TRPM8: variants seen among roughly 807,000 people sequenced by gnomAD.
TRPM8 encodes the protein transient receptor potential cation channel subfamily M member 8, also known as TRPM8 cationic channel.
Under a neutral mutation model 133.7 loss-of-function variants are expected in TRPM8, and 110 were observed. The observed-to-expected ratio is 0.82, with a 90% CI of 0.70 to 0.96. TRPM8 has a LOEUF of 0.96. Ranked by LOEUF, TRPM8 falls within the 40% of genes least tolerant of loss-of-function variation. The pLI is 0.00. For missense variants in TRPM8, 1,291 were observed against 1,379.5 expected, an observed-to-expected ratio of 0.94 and a Z score of 1.02; for synonymous variants, 535 against 532.3, an observed-to-expected ratio of 1.01 and a Z score of -0.07.
intron 1 of TRPM8, among the ~76,000 whole-genome samples, chr2:233,923,019 C>T (rs1258346122): frequency 1.3e-5 from 2 of 152,142 alleles, no homozygotes. Flanking sequence ...AGGCACCCGC[C>T]ACCACGCCTG....
intron 22 of TRPM8, among the ~76,000 whole-genome samples, chr2:234,001,878 T>C (rs1666267436): frequency 1.3e-5 from 2 of 152,124 alleles, no homozygotes; most frequent in Admixed American, 1.3e-4. Flanking sequence ...GGAGAGCTGA[T>C]TCAACAAATA....
chr2:234,003,392 C>T (rs556760814), intron 22 of TRPM8, among the ~76,000 whole-genome samples: 30 of 152,300 alleles, frequency 2.0e-4, no homozygotes, highest in African/African-American at 5.8e-4. Flanking sequence ...TTCTTTCCAT[C>T]GTTTTGCCTT....
rs776355317 is a variant in TRPM8, at chr2:233,989,950, C to T, written c.2939+4085C>T. ...GCAGTTCTGAAAAGGACTCGTCAAA[C>T]ATGTCCTGCTGTAGAATAATTTCTA... On this transcript the variant is annotated intron_variant, in intron 21 of 25. Coordinates refer to ENST00000324695, the MANE Select transcript of TRPM8 (RefSeq NM_024080.5). The surrounding 1 kb of genome is among the most constrained non-coding windows in gnomAD (Gnocchi z 4.2). Among the ~76,000 whole-genome samples, 1 of 152,178 alleles carries T rather than the reference C, an allele frequency of 6.6e-6. No homozygotes were observed. Among genetic ancestry groups the T allele is most frequent in the African/African-American group, 2.4e-5 (1 of 41,446 alleles).
intron 6 of TRPM8, among the ~76,000 whole-genome samples, chr2:233,945,579 A>C (rs1009096305): frequency 6.6e-6 from 1 of 152,202 alleles, no homozygotes; most frequent in African/African-American, 2.4e-5. Flanking sequence ...CAGGGCAATG[A>C]ACCAAGAATG....
chr2:233,945,834 C>G (rs370608573), intron 6 of TRPM8, 22 bp from the exon 7 acceptor site: 10 of 1,596,756 alleles, frequency 6.3e-6, no homozygotes, highest in African/African-American at 2.7e-5. Flanking sequence ...ATCTCAAAGA[C>G]AAGTTTCCCT....
Position 233,981,775 on chromosome 2 carries a change from C to T in TRPM8, c.2449C>T (p.Leu817Phe), listed in dbSNP as rs1692015380. ...FYFIAGIVFR[L>F]HSSNKSSLYS... Reference sequence around the variant, plus strand: ...TTCTGTTCCTTCTTTTCCCCCTAGGCTCCACTCTTCTAATAAAAGCTCTTT... The same window carrying T: ...TTCTGTTCCTTCTTTTCCCCCTAGGTTCCACTCTTCTAATAAAAGCTCTTT... The change falls in exon 19 of 26, where the codon CTC (leucine) becomes TTC (phenylalanine). Residue 817 changes from leucine (L) to phenylalanine (F), a missense_variant and splice_region_variant. Around this residue, in one of 2 missense-constraint regions of TRPM8, gnomAD observed 328 missense variants for 410.6 expected, o/e 0.80. Transcript: ENST00000324695. The T allele has an allele frequency of 6.2e-7, 1 of 1,605,046 alleles. No individual in the cohort carries two copies. The highest frequency in any genetic ancestry group is 1.3e-5 in the African/African-American group (1 of 74,392).
intron 21 of TRPM8, among the ~76,000 whole-genome samples, chr2:233,991,492 T>G (rs1183390871): frequency 6.6e-6 from 1 of 152,212 alleles, no homozygotes; most frequent in African/African-American, 2.4e-5. Context: ...GGGGCAGTAC[T>G]GGCTAGATAC....
At position 233,969,622 on chromosome 2, in the gene TRPM8, A is replaced by G. The variant is rs1262197033; in HGVS notation, c.2026-73A>G. On this transcript the variant is annotated intron_variant, in intron 15 of 25. Coordinates refer to ENST00000324695, the MANE Select transcript of TRPM8 (RefSeq NM_024080.5). ...TTTTGGGGAAAGTGTGGGGCGGGGA[A>G]GAAAGTTTGCATGGCATCCTGCATA... 2.4e-5 allele frequency: 21 copies of G among 890,874 alleles called. No individual in the cohort carries two copies. In the Admixed American group the frequency reaches 3.7e-4, roughly 16 times the overall value. 55.2% of individuals were successfully genotyped at this position (890,874 alleles called of 1,614,324 possible).
At chr2:233,948,803 AG>A (rs1691104673) in intron 8 of TRPM8, among the ~76,000 whole-genome samples, 4 of 152,124 alleles carry the variant, frequency 2.6e-5, no homozygotes, top group Admixed American at 2.6e-4. Flanking sequence ...GAGGCCAAGG[AG>A]GGTGGATCAC....
In TRPM8 at chr2:233,927,847, CCTTCCTTT is replaced by C. The variant is rs1422819073; in HGVS notation, c.117+1197_117+1204del. On this transcript the variant is annotated intron_variant, in intron 2 of 25. Transcript: ENST00000324695. ...TCCTTCCTTCCTTCCTTCCTTCCTT[CCTTCCTTT>C]CTTTCTCTTTCTTTCTTTCTTTCTT... 9.0e-3 allele frequency among the ~76,000 whole-genome samples: 432 copies of C among 47,888 alleles called. 41 individuals are homozygous for C. Among genetic ancestry groups the C allele is most frequent in the Non-Finnish European group, 0.013 (350 of 27,120 alleles). The allele number at this position is 47,888 out of a possible 152,430, so 31.4% of individuals were successfully genotyped here.
At chr2:233,970,009 A>T in intron 16 of TRPM8, 1 of 673,300 alleles carries the variant, frequency 1.5e-6, no homozygotes, top group Non-Finnish European at 2.6e-6. Context: ...TGTGTCTTTA[A>T]TATCTGGGGC....
At chr2:234,003,844 G>A (rs908033497) in intron 22 of TRPM8, among the ~76,000 whole-genome samples, 9 of 152,162 alleles carry the variant, frequency 5.9e-5, no homozygotes, top group African/African-American at 1.9e-4. Flanking sequence ...GGCTGCATGG[G>A]ATAAAGGTCC....
Position 233,985,841 on chromosome 2 carries a change from T to C in TRPM8, c.2915T>C (p.Val972Ala), listed in dbSNP as rs780680561. Residue 972 changes from valine (V) to alanine (A), a missense_variant, in exon 21 of 26, where the codon GTC (valine) becomes GCC (alanine). Val to Ala is a moderately conservative substitution (Grantham distance 64, BLOSUM62 0). Around this residue, in one of 2 missense-constraint regions of TRPM8, gnomAD observed 328 missense variants for 410.6 expected, o/e 0.80. Coordinates refer to ENST00000324695, the MANE Select transcript of TRPM8 (RefSeq NM_024080.5). The part of the protein sequence containing the change: ...IYMLSTNILL[V>A]NLLVAMFGYT... ...ATGTTATCCACCAACATCCTGCTGG[T>C]CAACCTGCTGGTCGCCATGTTTGGG... The C allele has an allele frequency of 6.2e-7, 1 of 1,614,094 alleles. No homozygotes were observed. Among genetic ancestry groups the C allele is most frequent in the South Asian group, 1.1e-5 (1 of 91,054 alleles).
rs28902475 is a variant in TRPM8, at chr2:233,923,105, G to A, written c.-5-3428G>A. On this transcript the variant is annotated intron_variant, in intron 1 of 25. Coordinates refer to ENST00000324695, the MANE Select transcript of TRPM8 (RefSeq NM_024080.5). ...AGGATGGTCTCGATCTCCTGGCCTC[G>A]TGATCCGCCTGCCTCAGCCTCCCAA... Among the ~76,000 whole-genome samples, 1,055 of 152,112 alleles carry A rather than the reference G, an allele frequency of 6.9e-3. 17 individuals are homozygous for A. Among genetic ancestry groups the A allele is most frequent in the African/African-American group, 0.024 (1,008 of 41,488 alleles).
intron 5 of TRPM8, 88 bp downstream of exon 5, chr2:233,939,263 C>T (rs760546816): frequency 2.5e-5 from 36 of 1,427,928 alleles, no homozygotes; most frequent in African/African-American, 5.7e-5. Context: ...TGTGCAATTC[C>T]GGAGAATCCG....
chr2:233,966,558 C>T (rs377516616), intron 14 of TRPM8, 52 bp from the exon 15 acceptor site: 55 of 1,608,298 alleles, frequency 3.4e-5, no homozygotes, highest in Middle Eastern at 1.7e-4. Flanking sequence ...AGGACAGTTT[C>T]GGTCATGTGC....
At chr2:233,998,028 G>C (rs576538371) in intron 22 of TRPM8, among the ~76,000 whole-genome samples, 1 of 152,138 alleles carries the variant, frequency 6.6e-6, no homozygotes, top group East Asian at 1.9e-4. Context: ...AGCATGCAGG[G>C]AGGAAGGGGC....
chr2:233,963,383 T>C lies in TRPM8; in HGVS notation c.1749+6T>C, dbSNP rs752764831. On this transcript the variant is annotated splice_donor_region_variant and intron_variant, in intron 13 of 25. Transcript: ENST00000324695. ...CCAAAGTCATTTGGGAGCAGGTAAG[T>C]GCCCAAGCCCACATCAGATTTACAC... is the stretch of plus-strand genomic sequence containing the variant. 4 of 1,585,750 alleles carry C rather than the reference T, an allele frequency of 2.5e-6. No individual in the cohort carries two copies. In the East Asian group the frequency reaches 9.0e-5, roughly 36 times the overall value.
Position 233,927,923 on chromosome 2 carries a change from TTTCTCTCTCTC to T in TRPM8, c.117+1271_117+1281del, listed in dbSNP as rs1559516689. ...CTTTCTTTCTTTCTCTCTCTCTCTC[TTTCTCTCTCTC>T]TCTCTCTCTCTCTCTCTCTCTCTCT... On this transcript the variant is annotated intron_variant, in intron 2 of 25. Transcript: ENST00000324695. Among the ~76,000 whole-genome samples, 70 of 40,490 alleles carry T rather than the reference TTTCTCTCTCTC, an allele frequency of 1.7e-3. 3 individuals carry two copies. Among genetic ancestry groups the T allele is most frequent in the African/African-American group, 0.012 (66 of 5,434 alleles). The allele number at this position is 40,490 out of a possible 152,430, so 26.6% of individuals were successfully genotyped here. A position where few individuals can be genotyped will look rare whatever the true frequency, so the allele number is the denominator to read the frequency against.
Sources: allele counts gnomAD v4.1 joint callset (sites outside exome capture counted in the v4.1 genomes callset), GRCh38; gene constraint gnomAD v4.1.1; regional missense constraint gnomAD v4.1.1; non-coding constraint Gnocchi (gnomAD v3.1); transcripts MANE v1.5; gene names NCBI Gene and HGNC (gene_info 2026-07-23, HGNC 2026-07-21).